Variants in IFIT1 observed in about 807,000 individuals in gnomAD.
The protein encoded by IFIT1 is antiviral innate immune response effector IFIT1.
Under a neutral mutation model 2.5 loss-of-function variants are expected in IFIT1, and 1 was observed. That is an observed-to-expected ratio of 0.40 (90% CI 0.14 to 1.92). The LOEUF (loss-of-function observed/expected upper bound fraction) is 1.92, where lower values mean the gene tolerates loss of function less well. Among genes scored for constraint, IFIT1 ranks in the 40% most tolerant of loss-of-function variants. The pLI, the probability that IFIT1 is intolerant of heterozygous loss-of-function variation, is 0.31. For synonymous variants in IFIT1, 191 were observed against 201.7 expected, an observed-to-expected ratio of 0.95 and a Z score of 0.45; for missense variants, 508 against 557.8, an observed-to-expected ratio of 0.91 and a Z score of 0.90.
intron 1 of IFIT1, among the ~76,000 whole-genome samples, chr10:89,394,496 CAT>C (rs1844304452): frequency 6.7e-6 from 1 of 150,302 alleles, no homozygotes; most frequent in African/African-American, 2.5e-5. Flanking sequence ...AGTGGGGGCT[CAT>C]GTGATTATTT....
intron 1 of IFIT1, chr10:89,393,413 T>C (rs1844287588): frequency 2.7e-6 from 2 of 738,214 alleles, no homozygotes; most frequent in Non-Finnish European, 3.8e-6. Flanking sequence ...AAGGGCCTAA[T>C]GTGGGAATTT....
intron 1 of IFIT1, among the ~76,000 whole-genome samples, chr10:89,398,028 A>G (rs978588338): frequency 2.0e-5 from 3 of 152,206 alleles, no homozygotes; most frequent in Admixed American, 6.5e-5. Flanking sequence ...GAAATTTTTC[A>G]TCTTCCTAAA....
intron 1 of IFIT1, among the ~76,000 whole-genome samples, chr10:89,396,747 T>C (rs1844350140): frequency 6.6e-6 from 1 of 152,242 alleles, no homozygotes. Flanking sequence ...CTATTCTCCT[T>C]TTCTAAAATT....
Position 89,392,661 on chromosome 10 carries a change from G to A in IFIT1, c.-52G>A. On this transcript the variant is annotated 5_prime_UTR_variant, in exon 1 of 2. Transcript: ENST00000371804. ...CAAGACAGAATAGCCAGATCTCAGAGGAGCCTGGCTAAGCAAAACCCTGCA... is the reference window on the plus strand; with the variant it reads ...CAAGACAGAATAGCCAGATCTCAGAAGAGCCTGGCTAAGCAAAACCCTGCA... The A allele has an allele frequency of 1.2e-6, 2 of 1,609,916 alleles. No homozygotes were observed. Among genetic ancestry groups the A allele is most frequent in the Non-Finnish European group, 1.7e-6 (2 of 1,176,244 alleles).
At chr10:89,397,147 G>C (rs532164866) in intron 1 of IFIT1, among the ~76,000 whole-genome samples, 104 of 152,096 alleles carry the variant, frequency 6.8e-4, no homozygotes, top group African/African-American at 2.2e-3. Context: ...ATATTCTATG[G>C]TATAGATATA....
chr10:89,402,831 T>A lies in IFIT1; in HGVS notation c.556T>A (p.Tyr186Asn), dbSNP rs538587924. The A allele has an allele frequency of 5.0e-6, 8 of 1,614,210 alleles. No homozygotes were observed. The highest frequency in any genetic ancestry group is 1.7e-6 in the Non-Finnish European group (2 of 1,180,042). ...ESSAGYAISA[Y>N]RLDGFKLATK... ...CAGCGCTGGGTATGCGATCTCTGCCTATCGCCTGGATGGCTTTAAATTAGC... is the reference window on the plus strand; with the variant it reads ...CAGCGCTGGGTATGCGATCTCTGCCAATCGCCTGGATGGCTTTAAATTAGC... The change falls in exon 2 of 2, where the codon TAT becomes AAT. Residue 186 changes from tyrosine (Y) to asparagine (N), a missense_variant. Transcript: ENST00000371804.
At chr10:89,394,667 AT>A (rs1477017490) in intron 1 of IFIT1, among the ~76,000 whole-genome samples, 3 of 143,726 alleles carry the variant, frequency 2.1e-5, no homozygotes, top group African/African-American at 8.0e-5. Context: ...GTGATTTTTT[AT>A]TGTGATAAAA....
chr10:89,401,693 T>C (rs888132251), intron 1 of IFIT1, among the ~76,000 whole-genome samples: 1 of 151,922 alleles, frequency 6.6e-6, no homozygotes, highest in African/African-American at 2.4e-5. Context: ...GTGTAAGATA[T>C]AATCATTGGA....
Position 89,403,841 on chromosome 10 carries a change from C to A in IFIT1, c.*129C>A, listed in dbSNP as rs1319905110. On this transcript the variant is annotated 3_prime_UTR_variant, in exon 2 of 2. Coordinates refer to ENST00000371804, the MANE Select transcript of IFIT1 (RefSeq NM_001548.5). The stretch of plus-strand genomic sequence containing the variant: ...ATGATGTAATTCTTGAATAATAAAT[C>A]TGACAAAATATTAGTTGTGTTCAAC... The A allele has an allele frequency of 1.6e-6, 1 of 612,204 alleles. No homozygotes were observed. Among genetic ancestry groups the A allele is most frequent in the Non-Finnish European group, 2.8e-6 (1 of 359,212 alleles). 37.9% of individuals were successfully genotyped at this position (612,204 alleles called of 1,614,324 possible). A position where few individuals can be genotyped will look rare whatever the true frequency, so the allele number is the denominator to read the frequency against.
chr10:89,399,923 C>T (rs184607669), intron 1 of IFIT1, among the ~76,000 whole-genome samples: 97 of 152,330 alleles, frequency 6.4e-4, no homozygotes, highest in African/African-American at 2.0e-3. Flanking sequence ...AAGAAGGAGC[C>T]ATCTGCAATC....
chr10:89,393,169 C>T, intron 1 of IFIT1: 1 of 1,290,690 alleles, frequency 7.7e-7, no homozygotes, highest in Non-Finnish European at 1.0e-6. Context: ...CTTGCAGCCT[C>T]TCTGATGTCT....
chr10:89,393,084 A>C (rs967505187), intron 1 of IFIT1: 1 of 1,232,540 alleles, frequency 8.1e-7, no homozygotes, highest in African/African-American at 1.5e-5. Context: ...AGCTTGTCTG[A>C]GTAGAGGCAT....
intron 1 of IFIT1, among the ~76,000 whole-genome samples, chr10:89,399,456 A>C (rs1399802576): frequency 6.6e-6 from 1 of 152,158 alleles, no homozygotes; most frequent in Non-Finnish European, 1.5e-5. Context: ...CAATTGCCAA[A>C]TCCAATGTTA....
In IFIT1 at chr10:89,402,218, A is replaced by G. The variant is rs139151085; in HGVS notation, c.6-63A>G. On this transcript the variant is annotated intron_variant, in intron 1 of 1. Transcript: ENST00000371804. The stretch of plus-strand genomic sequence containing the variant: ...TAAGCACTAAAATACAAGGTATTTT[A>G]TCTGACTTTTTTCTTTTAGCTGTTC... 4.5e-3 allele frequency: 4,670 copies of G among 1,037,186 alleles called. 19 individuals are homozygous for G. Among genetic ancestry groups the G allele is most frequent in the Non-Finnish European group, 5.0e-3 (3,466 of 695,644 alleles). The allele number at this position is 1,037,186 out of a possible 1,614,324, so 64.2% of individuals were successfully genotyped here. A position where few individuals can be genotyped will look rare whatever the true frequency, so the allele number is the denominator to read the frequency against.
In IFIT1 at chr10:89,403,955, T is replaced by C. The variant is rs1375475991; in HGVS notation, c.*243T>C. The C allele has an allele frequency of 2.7e-6, 1 of 369,870 alleles. No homozygotes were observed. Among genetic ancestry groups the C allele is most frequent in the Non-Finnish European group, 4.8e-6 (1 of 208,792 alleles). 22.9% of individuals were successfully genotyped at this position (369,870 alleles called of 1,614,324 possible). ...TAGTAGAGAAAAAATGTTAGTTAAC[T>C]TTGTAGGAAATAAAACATTGGACTT... On this transcript the variant is annotated 3_prime_UTR_variant, in exon 2 of 2. Coordinates refer to ENST00000371804, the MANE Select transcript of IFIT1 (RefSeq NM_001548.5).
chr10:89,392,770 G>C, intron 1 of IFIT1, 53 bp downstream of exon 1: 3 of 1,578,334 alleles, frequency 1.9e-6, no homozygotes, highest in South Asian at 1.1e-5. Context: ...TGAAAAAATG[G>C]TAATTAAATA....
In IFIT1 at chr10:89,405,361, G is replaced by A. The variant is rs1305440395; in HGVS notation, c.*1649G>A. 1 of 152,128 alleles carries A rather than the reference G, an allele frequency of 6.6e-6. No individual in the cohort carries two copies. The highest frequency in any genetic ancestry group is 6.5e-5 in the Admixed American group (1 of 15,284). 9.4% of individuals were successfully genotyped at this position (152,128 alleles called of 1,614,324 possible). On this transcript the variant is annotated 3_prime_UTR_variant, in exon 2 of 2. Coordinates refer to ENST00000371804, the MANE Select transcript of IFIT1 (RefSeq NM_001548.5). ...ATGAATAATCATATTTTATTGAAAG[G>A]CAAGGCACAACAAATAATAAGAAGG...
At chr10:89,400,446 C>A (rs1357144430) in intron 1 of IFIT1, among the ~76,000 whole-genome samples, 3 of 152,138 alleles carry the variant, frequency 2.0e-5, no homozygotes, top group Non-Finnish European at 4.4e-5. Flanking sequence ...TCTTTAATTT[C>A]TTTCAGCAGT....
rs375173087 is a variant in IFIT1, at chr10:89,402,864, A to G, written c.589A>G (p.Asn197Asp). ...GGATGGCTTTAAATTAGCCACAAAA[A>G]ATCACAAGCCATTTTCTTTGCTTCC... ...RLDGFKLATK[N>D]HKPFSLLPLR... Residue 197 changes from asparagine to aspartate, a missense_variant, in exon 2 of 2, where the codon AAT (asparagine) becomes GAT (aspartate). Asn to Asp is a conservative substitution (Grantham distance 23). Transcript: ENST00000371804. 2 of 1,614,090 alleles carry G rather than the reference A, an allele frequency of 1.2e-6. No individual in the cohort carries two copies. Among genetic ancestry groups the G allele is most frequent in the African/African-American group, 2.7e-5 (2 of 74,920 alleles).
Sources: allele counts gnomAD v4.1 joint callset (sites outside exome capture counted in the v4.1 genomes callset), GRCh38; gene constraint gnomAD v4.1.1; transcripts MANE v1.5; gene names NCBI Gene and HGNC (gene_info 2026-07-23, HGNC 2026-07-21).